Variants in CASS4 observed in about 807,000 individuals in gnomAD.
CASS4 encodes the protein Cas scaffold protein family member 4, also known as cas scaffolding protein family member 4.
A neutral mutation model predicts 54.2 loss-of-function variants in CASS4; 22 were observed. The observed-to-expected ratio is 0.41, with a 90% CI of 0.29 to 0.58. CASS4 has a LOEUF of 0.58. CASS4 is among the 20% of genes least tolerant of loss of function. The pLI is 0.36. For synonymous variants in CASS4, 409 were observed against 391.5 expected (o/e 1.04, Z -0.53); for missense variants, 854 against 986.7 (o/e 0.87, Z 1.80).
At chr20:56,418,748 G>C (rs1220896722) in intron 1 of CASS4, among the ~76,000 whole-genome samples, 2 of 152,152 alleles carry the variant, frequency 1.3e-5, no homozygotes, top group Admixed American at 1.3e-4. Context: ...TCAAGGAGTA[G>C]ATAGCTTCTA....
chr20:56,452,479 T>C lies in CASS4; in HGVS notation c.1303T>C (p.Leu435=), dbSNP rs202122566. The change falls in exon 5 of 6, where the codon TTG becomes CTG. Residue 435 remains leucine (L), a synonymous_variant. Coordinates refer to ENST00000679887, the MANE Select transcript of CASS4 (RefSeq NM_020356.4). ...SSEESAKELS[L]DLDVAKETVM... ...GGAGGAGTCAGCAAAGGAGCTCTCC[T>C]TGGACCTGGATGTGGCCAAGGAGAC... 11 of 1,613,822 alleles carry C rather than the reference T, an allele frequency of 6.8e-6. No individual in the cohort carries two copies. In the African/African-American group the frequency reaches 9.3e-5, roughly 14 times the overall value.
At chr20:56,417,565 G>A (rs1979200889) in intron 1 of CASS4, among the ~76,000 whole-genome samples, 1 of 152,174 alleles carries the variant, frequency 6.6e-6, no homozygotes, top group South Asian at 2.1e-4. Context: ...ACTCCATGAG[G>A]GACAGACCTG....
Position 56,425,843 on chromosome 20 carries a change from A to C in CASS4, c.37-11321A>C, listed in dbSNP as rs531687087. 2.1e-3 allele frequency among the ~76,000 whole-genome samples: 325 copies of C among 152,316 alleles called. 3 individuals carry two copies. Among genetic ancestry groups the C allele is most frequent in the African/African-American group, 7.6e-3 (318 of 41,580 alleles). Reference sequence around the variant, plus strand: ...CTCCCCAGACCCCTGTTTCCTACCCAGAAGGGACCCTCAGTGAGTGACATA... The same window carrying C: ...CTCCCCAGACCCCTGTTTCCTACCCCGAAGGGACCCTCAGTGAGTGACATA... On this transcript the variant is annotated intron_variant, in intron 1 of 5. Transcript: ENST00000679887.
chr20:56,452,879 T>G lies in CASS4; in HGVS notation c.1703T>G (p.Met568Arg), dbSNP rs779035230. The change falls in exon 5 of 6, where the codon ATG (methionine) becomes AGG (arginine). Residue 568 changes from methionine to arginine, a missense_variant. Transcript: ENST00000679887. ...DLERFVMVARMLPEDIKRFAS... is the reference protein window; with the variant it reads ...DLERFVMVARRLPEDIKRFAS... The stretch of plus-strand genomic sequence containing the variant: ...GAGAGGTTTGTCATGGTGGCACGGA[T>G]GCTTCCAGAAGACATCAAGAGGTTT... 1.7e-4 allele frequency: 267 copies of G among 1,614,060 alleles called. No individual in the cohort carries two copies. Among genetic ancestry groups the G allele is most frequent in the Non-Finnish European group, 2.2e-4 (254 of 1,180,020 alleles).
Position 56,450,667 on chromosome 20 carries a change from C to A in CASS4, c.630C>A (p.Asp210Glu). 1 of 1,614,076 alleles carries A rather than the reference C, an allele frequency of 6.2e-7. No homozygotes were observed. Among genetic ancestry groups the A allele is most frequent in the Non-Finnish European group, 8.5e-7 (1 of 1,179,966 alleles). Residue 210 changes from aspartate to glutamate, a missense_variant, in exon 4 of 6, where the codon GAC becomes GAA. Coordinates refer to ENST00000679887, the MANE Select transcript of CASS4 (RefSeq NM_020356.4). ...AGAAGGCAGGACTCCATCCCCCAGA[C>A]AGCCAAGCAAGTGTAAGTATGAAGA... is the stretch of plus-strand genomic sequence containing the variant. ...SPKKAGLHPP[D>E]SQASGQGVPL...
rs143104441 is a variant in CASS4, at chr20:56,437,928, G to A, written c.459+342G>A. Among the ~76,000 whole-genome samples, 616 of 152,326 alleles carry A rather than the reference G, an allele frequency of 4.0e-3. 6 individuals are homozygous for A. The highest frequency in any genetic ancestry group is 0.014 in the African/African-American group (580 of 41,570). On this transcript the variant is annotated intron_variant, in intron 2 of 5. Transcript: ENST00000679887. The surrounding 1 kb of genome is among the most constrained non-coding windows in gnomAD (Gnocchi z 4.7). ...GGATGAAGGATCACCAGGACTGCCA[G>A]TGACAAATGGGAGGGTGGGGTTTCC...
intron 1 of CASS4, among the ~76,000 whole-genome samples, chr20:56,432,237 A>G (rs943914272): frequency 3.9e-5 from 6 of 152,130 alleles, no homozygotes; most frequent in African/African-American, 1.4e-4. Context: ...TTATTGTTTC[A>G]GATAATAAAC....
chr20:56,428,959 G>C (rs191495791), intron 1 of CASS4, among the ~76,000 whole-genome samples: 28 of 149,578 alleles, frequency 1.9e-4, no homozygotes, highest in Admixed American at 1.7e-3. Flanking sequence ...AGTTTCTGCA[G>C]CTTTGCTCTT....
rs1434601399 is a variant in CASS4, at chr20:56,437,207, C to G, written c.80C>G (p.Ser27Cys). 3 of 1,598,504 alleles carry G rather than the reference C, an allele frequency of 1.9e-6. No homozygotes were observed. The highest frequency in any genetic ancestry group is 1.7e-6 in the Non-Finnish European group (2 of 1,170,854). ...RALYDNCPDCSDELAFSRGDI... is the reference protein window; with the variant it reads ...RALYDNCPDCCDELAFSRGDI... ...CTTTATGACAACTGCCCTGACTGCT[C>G]TGACGAGCTGGCTTTCAGCAGAGGG... The change falls in exon 2 of 6, where the codon TCT becomes TGT. Residue 27 changes from serine to cysteine, a missense_variant. By Grantham distance (112) the Ser-to-Cys change is moderately radical. Transcript: ENST00000679887. This position sits in a 1 kb window ranked among gnomAD's most constrained non-coding sequence, Gnocchi z 4.7.
chr20:56,443,582 A>G (rs1048070545), intron 2 of CASS4, among the ~76,000 whole-genome samples: 1 of 151,964 alleles, frequency 6.6e-6, no homozygotes, highest in South Asian at 2.1e-4. Context: ...AGGTTTACTG[A>G]GTGTAAAGAG....
At chr20:56,435,322 C>T (rs1980103444) in intron 1 of CASS4, among the ~76,000 whole-genome samples, 1 of 151,822 alleles carries the variant, frequency 6.6e-6, no homozygotes, top group Admixed American at 6.6e-5. Flanking sequence ...AAAGTATGAA[C>T]AAAGGTTAAT....
At chr20:56,429,448 G>A (rs929128785) in intron 1 of CASS4, among the ~76,000 whole-genome samples, 2 of 151,936 alleles carry the variant, frequency 1.3e-5, no homozygotes, top group Admixed American at 6.6e-5. Flanking sequence ...ACTTTGAATC[G>A]CCTCTCTGGC....
intron 3 of CASS4, among the ~76,000 whole-genome samples, chr20:56,447,085 G>T (rs1287261417): frequency 6.6e-6 from 1 of 152,008 alleles, no homozygotes; most frequent in African/African-American, 2.4e-5. Context: ...GTTCACGCCT[G>T]TAGTCCCAGC....
intron 1 of CASS4, among the ~76,000 whole-genome samples, chr20:56,426,287 T>A (rs1457496558): frequency 2.0e-5 from 3 of 152,238 alleles, no homozygotes; most frequent in African/African-American, 7.2e-5. Context: ...ATGTTAGTTA[T>A]AGTACCTGCT....
In CASS4 at chr20:56,432,069, G is replaced by A. The variant is rs1259570265; in HGVS notation, c.37-5095G>A. Among the ~76,000 whole-genome samples, 4 of 152,156 alleles carry A rather than the reference G, an allele frequency of 2.6e-5. 1 individual carries two copies. The highest frequency in any genetic ancestry group is 4.1e-4 in the South Asian group (2 of 4,830). ...AAATGTTAAAACTAGGTCAAAGATC[G>A]TTGAGGATACTTGTCCAACTTGAAT... On this transcript the variant is annotated intron_variant, in intron 1 of 5. Coordinates refer to ENST00000679887, the MANE Select transcript of CASS4 (RefSeq NM_020356.4).
At chr20:56,444,892 C>A (rs1434064267) in intron 2 of CASS4, among the ~76,000 whole-genome samples, 1 of 152,164 alleles carries the variant, frequency 6.6e-6, no homozygotes, top group Non-Finnish European at 1.5e-5. Context: ...GGGCAGATCA[C>A]CTAAGGTCGG....
chr20:56,435,325 AG>A (rs1353261711), intron 1 of CASS4, among the ~76,000 whole-genome samples: 2 of 152,240 alleles, frequency 1.3e-5, no homozygotes, highest in African/African-American at 4.8e-5. Flanking sequence ...GTATGAACAA[AG>A]GTTAATGAGT....
intron 1 of CASS4, among the ~76,000 whole-genome samples, chr20:56,417,666 C>T (rs1026723802): frequency 2.6e-5 from 4 of 152,176 alleles, no homozygotes; most frequent in African/African-American, 7.2e-5. Flanking sequence ...AGTGTGTGAA[C>T]GAATGGGAGC....
Position 56,458,787 on chromosome 20 carries a change from C to T in CASS4, c.*40C>T, listed in dbSNP as rs1981455358. The stretch of plus-strand genomic sequence containing the variant: ...CCTTCCTCCTCTGCTCACCTCTCAG[C>T]TTCACACCCACAACTTGTGCAACTC... On this transcript the variant is annotated 3_prime_UTR_variant, in exon 6 of 6. Coordinates refer to ENST00000679887, the MANE Select transcript of CASS4 (RefSeq NM_020356.4). The T allele has an allele frequency of 6.6e-7, 1 of 1,524,438 alleles. No individual in the cohort carries two copies. Among genetic ancestry groups the T allele is most frequent in the Non-Finnish European group, 8.9e-7 (1 of 1,128,418 alleles). 94.4% of individuals were successfully genotyped at this position (1,524,438 alleles called of 1,614,324 possible). A position where few individuals can be genotyped will look rare whatever the true frequency, so the allele number is the denominator to read the frequency against.
Sources: gnomAD v4.1 joint callset for allele counts (sites outside exome capture counted in the v4.1 genomes callset) on GRCh38, gnomAD v4.1.1 for gene constraint, Gnocchi (gnomAD v3.1) non-coding constraint, MANE v1.5 for transcripts, NCBI Gene and HGNC (gene_info 2026-07-23, HGNC 2026-07-21) for gene names.